ATRNL1: variants seen among roughly 807,000 people sequenced by gnomAD.
The protein encoded by ATRNL1 is attractin like 1, also known as attractin-like protein 1.
A neutral mutation model predicts 182.7 loss-of-function variants in ATRNL1; 95 were observed. The ratio of observed to expected loss-of-function variants is 0.52; its 90% CI spans 0.44 to 0.62. The LOEUF is 0.62. Among genes scored for constraint, ATRNL1 ranks in the 20% least tolerant of loss-of-function variants. The pLI, the probability that ATRNL1 is intolerant of heterozygous loss-of-function variation, is 0.00. For missense variants in ATRNL1, 1,471 were observed against 1,679.5 expected (o/e 0.88, Z 2.17); for synonymous variants, 576 against 568.3 (o/e 1.01, Z -0.19).
intron 8 of ATRNL1, among the ~76,000 whole-genome samples, chr10:115,189,713 G>A (rs570126001): frequency 1.8e-4 from 27 of 152,136 alleles, no homozygotes; most frequent in African/African-American, 6.5e-4. Flanking sequence ...AAAATTTATA[G>A]TGGGCTAAGG....
intron 24 of ATRNL1, among the ~76,000 whole-genome samples, chr10:115,483,158 C>T (rs1554974507): frequency 1.3e-5 from 2 of 151,232 alleles, no homozygotes; most frequent in African/African-American, 4.8e-5. Flanking sequence ...ATGTTGATCT[C>T]CTATGGAAAG....
intron 26 of ATRNL1, among the ~76,000 whole-genome samples, chr10:115,591,724 G>T (rs1346292114): frequency 1.3e-5 from 2 of 152,124 alleles, no homozygotes; most frequent in African/African-American, 4.8e-5. Flanking sequence ...ATATACTTTG[G>T]TGGGAATCTC....
intron 8 of ATRNL1, among the ~76,000 whole-genome samples, chr10:115,196,210 C>T (rs1368107253): frequency 6.6e-6 from 1 of 151,992 alleles, no homozygotes; most frequent in East Asian, 1.9e-4. Flanking sequence ...ATTGTTCCAG[C>T]TTTTTCCATT....
Position 115,484,588 on chromosome 10 carries a change from C to T in ATRNL1, c.3654+15259C>T, listed in dbSNP as rs539966452. Among the ~76,000 whole-genome samples, 6 of 151,596 alleles carry T rather than the reference C, an allele frequency of 4.0e-5. No individual in the cohort carries two copies. The East Asian group carries it at 1.2e-3, about 30-fold the overall frequency. On this transcript the variant is annotated intron_variant, in intron 24 of 28. Coordinates refer to ENST00000355044, the MANE Select transcript of ATRNL1 (RefSeq NM_207303.4). ...TTCCCAATGAGTGCTTCTTTAACAC[C>T]ACTCATTGGGCAAATGCCTTCTTTG... is the stretch of plus-strand genomic sequence containing the variant.
At chr10:115,115,945 T>C (rs557151302) in intron 1 of ATRNL1, among the ~76,000 whole-genome samples, 1 of 152,106 alleles carries the variant, frequency 6.6e-6, no homozygotes, top group Non-Finnish European at 1.5e-5. Flanking sequence ...CAGCCCAGCA[T>C]GCTTTTAATT....
chr10:115,093,999 G>A lies in ATRNL1; in HGVS notation c.249G>A (p.Pro83=), dbSNP rs782417840. The change falls in exon 1 of 29, where the codon CCG becomes CCA. Residue 83 remains proline (P), a synonymous_variant. Coordinates refer to ENST00000355044, the MANE Select transcript of ATRNL1 (RefSeq NM_207303.4). The surrounding 1 kb of genome is among the most constrained non-coding windows in gnomAD (Gnocchi z 6.1). ...TCAACTCCACCTGCCTCTGCGACCC[G>A]GGCTGGGTGGGGGACCAGTGCCAGC... ...RCVNSTCLCD[P]GWVGDQCQHC... is the part of the protein sequence containing the mutation. 4.4e-6 allele frequency: 7 copies of A among 1,579,338 alleles called. No individual in the cohort carries two copies. The highest frequency in any genetic ancestry group is 6.0e-6 in the Non-Finnish European group (7 of 1,164,436).
intron 26 of ATRNL1, among the ~76,000 whole-genome samples, chr10:115,677,320 A>G (rs1054020683): frequency 6.6e-5 from 10 of 152,060 alleles, no homozygotes; most frequent in African/African-American, 2.4e-4. Context: ...TGATACAGGA[A>G]AATCCCTCAC....
At chr10:115,694,180 A>ACG (rs2133979394) in intron 26 of ATRNL1, among the ~76,000 whole-genome samples, 1 of 146,090 alleles carries the variant, frequency 6.8e-6, no homozygotes, top group African/African-American at 2.4e-5. Context: ...ACGCACACAC[A>ACG]CACACACACA....
At chr10:115,775,041 A>G (rs1342545098) in intron 27 of ATRNL1, among the ~76,000 whole-genome samples, 4 of 152,220 alleles carry the variant, frequency 2.6e-5, no homozygotes, top group African/African-American at 9.6e-5. Flanking sequence ...TTAATTTTTA[A>G]GATTATACTT....
chr10:115,680,583 G>A (rs766224446), intron 26 of ATRNL1, among the ~76,000 whole-genome samples: 9 of 152,072 alleles, frequency 5.9e-5, no homozygotes, highest in East Asian at 1.9e-4. Context: ...GTAAATTAAC[G>A]GCTGTATGTA....
chr10:115,930,247 A>AGAT (rs1354941412), intron 28 of ATRNL1, among the ~76,000 whole-genome samples: 2 of 152,080 alleles, frequency 1.3e-5, no homozygotes, highest in African/African-American at 4.8e-5. Context: ...GTCATTCTAG[A>AGAT]GATTTATTTG....
At chr10:115,169,985 G>T (rs1592205113) in intron 7 of ATRNL1, among the ~76,000 whole-genome samples, 1 of 152,030 alleles carries the variant, frequency 6.6e-6, no homozygotes, top group African/African-American at 2.4e-5. Flanking sequence ...TTTGTACATT[G>T]ATCTTATGTT....
At chr10:115,566,794 T>G (rs1854100459) in intron 26 of ATRNL1, among the ~76,000 whole-genome samples, 1 of 152,154 alleles carries the variant, frequency 6.6e-6, no homozygotes. Context: ...TCACATTAAG[T>G]TACACATTAA....
At chr10:115,647,281 G>A (rs1249878389) in intron 26 of ATRNL1, among the ~76,000 whole-genome samples, 2 of 152,098 alleles carry the variant, frequency 1.3e-5, no homozygotes, top group Admixed American at 1.3e-4. Context: ...TGTCTTTATA[G>A]CAGCATGATT....
intron 28 of ATRNL1, among the ~76,000 whole-genome samples, chr10:115,866,244 G>A (rs935198405): frequency 3.3e-5 from 5 of 152,124 alleles, no homozygotes; most frequent in African/African-American, 1.2e-4. Flanking sequence ...ATGTTGACAC[G>A]AACATGGTGT....
At chr10:115,363,906 G>T (rs1457419825) in intron 19 of ATRNL1, among the ~76,000 whole-genome samples, 2 of 151,036 alleles carry the variant, frequency 1.3e-5, no homozygotes, top group African/African-American at 2.4e-5. Context: ...GTACCATGCT[G>T]TTTTGGTTAC....
intron 28 of ATRNL1, among the ~76,000 whole-genome samples, chr10:115,865,144 G>A (rs1283524830): frequency 6.6e-6 from 1 of 152,088 alleles, no homozygotes; most frequent in South Asian, 2.1e-4. Flanking sequence ...ATAAAATCCT[G>A]CATTAAATCC....
chr10:115,947,401 G>A lies in ATRNL1; in HGVS notation c.*2622G>A, dbSNP rs1407148845. On this transcript the variant is annotated 3_prime_UTR_variant, in exon 29 of 29. Coordinates refer to ENST00000355044, the MANE Select transcript of ATRNL1 (RefSeq NM_207303.4). ...CTTTGAAAAATTCCTTAGATTTTTA[G>A]GATGTTTTATTCTGCCAAGTATGAA... The A allele has an allele frequency of 6.6e-6, 1 of 152,422 alleles. No individual in the cohort carries two copies. The highest frequency in any genetic ancestry group is 2.4e-5 in the African/African-American group (1 of 41,352). The allele number at this position is 152,422 out of a possible 1,614,324, so 9.4% of individuals were successfully genotyped here. A position where few individuals can be genotyped will look rare whatever the true frequency, so the allele number is the denominator to read the frequency against.
intron 26 of ATRNL1, among the ~76,000 whole-genome samples, chr10:115,611,629 ATAGT>A (rs1247583351): frequency 6.6e-6 from 1 of 152,154 alleles, no homozygotes; most frequent in African/African-American, 2.4e-5. Flanking sequence ...GACAATTTTA[ATAGT>A]TAGATGGTGT....
Sources: gnomAD v4.1 joint callset for allele counts (sites outside exome capture counted in the v4.1 genomes callset) on GRCh38, gnomAD v4.1.1 for gene constraint, Gnocchi (gnomAD v3.1) non-coding constraint, MANE v1.5 for transcripts, NCBI Gene and HGNC (gene_info 2026-07-23, HGNC 2026-07-21) for gene names.